Variants in MLEC observed in about 807,000 individuals in gnomAD.
The protein encoded by MLEC is oligosaccharyltransferase complex subunit (non-catalytic).
MLEC carries 7 observed loss-of-function variants against 28.7 expected under a neutral mutation model. The ratio of observed to expected loss-of-function variants is 0.24; its 90% CI spans 0.14 to 0.46. MLEC has a LOEUF of 0.46. Among genes scored for constraint, MLEC ranks in the 20% least tolerant of loss-of-function variants. The probability of loss-of-function intolerance (pLI) is 0.99; values close to 1 mark genes in which losing one functional copy is unlikely to be tolerated. For missense variants in MLEC, 237 were observed against 391.1 expected (o/e 0.61, Z 3.32); for synonymous variants, 142 against 164.4 (o/e 0.86, Z 1.04).
In MLEC at chr12:120,694,652, A is replaced by G. The variant is rs1882159875; in HGVS notation, c.415-172A>G. Among the ~76,000 whole-genome samples, 1 of 152,204 alleles carries G rather than the reference A, an allele frequency of 6.6e-6. No individual in the cohort carries two copies. The highest frequency in any genetic ancestry group is 6.5e-5 in the Admixed American group (1 of 15,288). ...ATAAGAACTCCTGGGCAGTGAAGGAACACGGCTTTGATTTGACCCGGGTTA... is the reference window on the plus strand; with the variant it reads ...ATAAGAACTCCTGGGCAGTGAAGGAGCACGGCTTTGATTTGACCCGGGTTA... On this transcript the variant is annotated intron_variant, in intron 2 of 4. Transcript: ENST00000228506. This position sits in a 1 kb window ranked among gnomAD's most constrained non-coding sequence, Gnocchi z 4.5.
At chr12:120,689,180 T>C (rs545116025) in intron 1 of MLEC, among the ~76,000 whole-genome samples, 1 of 151,330 alleles carries the variant, frequency 6.6e-6, no homozygotes, top group East Asian at 1.9e-4. Flanking sequence ...TCAGAAATTC[T>C]GGTTTTAATT....
chr12:120,696,722 C>A lies in MLEC; in HGVS notation c.*177C>A. The A allele has an allele frequency of 1.1e-6, 1 of 885,696 alleles. No individual in the cohort carries two copies. The highest frequency in any genetic ancestry group is 1.7e-6 in the Non-Finnish European group (1 of 596,148). 54.9% of individuals were successfully genotyped at this position (885,696 alleles called of 1,614,324 possible). On this transcript the variant is annotated 3_prime_UTR_variant, in exon 5 of 5. Coordinates refer to ENST00000228506, the MANE Select transcript of MLEC (RefSeq NM_014730.4). This position sits in a 1 kb window ranked among gnomAD's most constrained non-coding sequence, Gnocchi z 5.4. ...AGTAGAGAGCAGCCCTCATTCACCACCTGGTCCCAGACGTGCTTCAGTCCT... is the reference window on the plus strand; with the variant it reads ...AGTAGAGAGCAGCCCTCATTCACCAACTGGTCCCAGACGTGCTTCAGTCCT...
In MLEC at chr12:120,695,106, C is replaced by T. The variant is rs748547633; in HGVS notation, c.603C>T (p.Asp201=). The change falls in exon 4 of 5, where the codon GAC becomes GAT. Residue 201 remains aspartate (D), a synonymous_variant. Coordinates refer to ENST00000228506, the MANE Select transcript of MLEC (RefSeq NM_014730.4). ...LYIEFVKGYY[D]NPKVCALYIM... Reference sequence around the variant, plus strand: ...TTCCCTTTTCCTAGGGGTACTATGACAATCCCAAGGTCTGTGCACTCTACA... The same window carrying T: ...TTCCCTTTTCCTAGGGGTACTATGATAATCCCAAGGTCTGTGCACTCTACA... 21 of 1,614,168 alleles carry T rather than the reference C, an allele frequency of 1.3e-5. No individual in the cohort carries two copies. The highest frequency in any genetic ancestry group is 2.2e-5 in the East Asian group (1 of 44,880).
chr12:120,687,631 G>C lies in MLEC; in HGVS notation c.235+100G>C. 2 of 926,538 alleles carry C rather than the reference G, an allele frequency of 2.2e-6. No homozygotes were observed. Among genetic ancestry groups the C allele is most frequent in the Non-Finnish European group, 3.0e-6 (2 of 663,276 alleles). The allele number at this position is 926,538 out of a possible 1,614,324, so 57.4% of individuals were successfully genotyped here. A position where few individuals can be genotyped will look rare whatever the true frequency, so the allele number is the denominator to read the frequency against. ...CCGAGCCCCTTTCGACCCTGGGGCC[G>C]CGTCTCTGGAGCGAAGTTTCTCTCT... On this transcript the variant is annotated intron_variant, in intron 1 of 4. Transcript: ENST00000228506. The surrounding 1 kb of genome is among the most constrained non-coding windows in gnomAD (Gnocchi z 8.1).
intron 1 of MLEC, among the ~76,000 whole-genome samples, chr12:120,692,479 A>G (rs555329963): frequency 1.4e-4 from 21 of 152,142 alleles, no homozygotes; most frequent in Non-Finnish European, 2.4e-4. Flanking sequence ...CAAAAGTGCA[A>G]TGAGTTTCCT....
intron 1 of MLEC, among the ~76,000 whole-genome samples, chr12:120,689,245 T>A (rs1288323336): frequency 6.6e-6 from 1 of 151,896 alleles, no homozygotes; most frequent in Non-Finnish European, 1.5e-5. Context: ...TTCTTTGGCT[T>A]GGTCAGCAGT....
At chr12:120,689,826 A>T (rs1005026056) in intron 1 of MLEC, among the ~76,000 whole-genome samples, 6 of 152,156 alleles carry the variant, frequency 3.9e-5, no homozygotes, top group African/African-American at 1.2e-4. Context: ...AGAAAAGTTG[A>T]TTTTATGTTG....
At position 120,687,545 on chromosome 12, in the gene MLEC, T is replaced by A; in HGVS notation, c.235+14T>A. ...GGGTGGGCCGAGGTGAGAGTCCCCC[T>A]GCCGAGCCGCGGGATCCAGGGCCTG... On this transcript the variant is annotated intron_variant, in intron 1 of 4. Transcript: ENST00000228506. The surrounding 1 kb of genome is among the most constrained non-coding windows in gnomAD (Gnocchi z 8.1). The A allele has an allele frequency of 6.7e-7, 1 of 1,489,190 alleles. No homozygotes were observed. The highest frequency in any genetic ancestry group is 8.9e-7 in the Non-Finnish European group (1 of 1,119,558). 92.2% of individuals were successfully genotyped at this position (1,489,190 alleles called of 1,614,324 possible).
Position 120,700,656 on chromosome 12 carries a change from A to G in MLEC, c.*4111A>G, listed in dbSNP as rs1882412237. 1 of 152,162 alleles carries G rather than the reference A, an allele frequency of 6.6e-6. No individual in the cohort carries two copies. Among genetic ancestry groups the G allele is most frequent in the Non-Finnish European group, 1.5e-5 (1 of 68,034 alleles). The allele number at this position is 152,162 out of a possible 1,614,324, so 9.4% of individuals were successfully genotyped here. ...ATCAAAGAGCTCTAAGAAAATTGCA[A>G]AGAAGCCTTAATGTTCAAGCTTTAG... On this transcript the variant is annotated 3_prime_UTR_variant, in exon 5 of 5. Coordinates refer to ENST00000228506, the MANE Select transcript of MLEC (RefSeq NM_014730.4). The surrounding 1 kb of genome is among the most constrained non-coding windows in gnomAD (Gnocchi z 4.0).
chr12:120,698,283 C>T lies in MLEC; in HGVS notation c.*1738C>T, dbSNP rs1377071226. ...TGTGACAAAATAGGTAGCTCTTGGG[C>T]TCATGTCCTGGGTTTTGGCTCTTTA... On this transcript the variant is annotated 3_prime_UTR_variant, in exon 5 of 5. Transcript: ENST00000228506. 1 of 152,168 alleles carries T rather than the reference C, an allele frequency of 6.6e-6. No individual in the cohort carries two copies. Among genetic ancestry groups the T allele is most frequent in the Non-Finnish European group, 1.5e-5 (1 of 68,030 alleles). The allele number at this position is 152,168 out of a possible 1,614,324, so 9.4% of individuals were successfully genotyped here.
intron 1 of MLEC, among the ~76,000 whole-genome samples, chr12:120,693,100 G>GT (rs1882099876): frequency 1.3e-5 from 2 of 152,142 alleles, no homozygotes; most frequent in Admixed American, 1.3e-4. Context: ...GCCAAGAGAG[G>GT]TTTTCTGCTC....
intron 1 of MLEC, among the ~76,000 whole-genome samples, chr12:120,691,108 T>C (rs1003472571): frequency 2.0e-5 from 3 of 152,230 alleles, no homozygotes; most frequent in Non-Finnish European, 1.5e-5. Context: ...GAGGACAGGC[T>C]TCTGCTCATT....
intron 1 of MLEC, among the ~76,000 whole-genome samples, chr12:120,689,686 C>T (rs1881965941): frequency 6.6e-6 from 1 of 152,212 alleles, no homozygotes; most frequent in African/African-American, 2.4e-5. Flanking sequence ...TTCTTCTGGG[C>T]CTGTTTGGAT....
rs1803508 is a variant in MLEC at position 120,701,729 on chromosome 12, C to G, written c.*5184C>G. On this transcript the variant is annotated 3_prime_UTR_variant, in exon 5 of 5. Transcript: ENST00000228506. The surrounding 1 kb of genome is among the most constrained non-coding windows in gnomAD (Gnocchi z 4.0). ...AAGCTGTAGGGGTGGATAGAGCTGG[C>G]TTTCCTTCTGGGCTGTCTCCATCTG... The G allele has an allele frequency of 0.014, 2,168 of 152,896 alleles. 79 individuals carry two copies. In the East Asian group the frequency reaches 0.15, roughly 10 times the overall value. The allele number at this position is 152,896 out of a possible 1,614,324, so 9.5% of individuals were successfully genotyped here.
chr12:120,692,911 ATATCT>A (rs1369987235), intron 1 of MLEC, among the ~76,000 whole-genome samples: 1 of 151,990 alleles, frequency 6.6e-6, no homozygotes, highest in Non-Finnish European at 1.5e-5. Context: ...CTGAAATGTG[ATATCT>A]TATATTTGCA....
rs1882421763 is a variant in MLEC, at chr12:120,700,886, C to T, written c.*4341C>T. 6.6e-6 allele frequency: 1 copy of T among 152,266 alleles called. No homozygotes were observed. 9.4% of individuals were successfully genotyped at this position (152,266 alleles called of 1,614,324 possible). A position where few individuals can be genotyped will look rare whatever the true frequency, so the allele number is the denominator to read the frequency against. ...CCTGTCCTTTCCAGCTGCCTTTTGT[C>T]TAGCCTGCTATGGGGGGCCAGATTA... On this transcript the variant is annotated 3_prime_UTR_variant, in exon 5 of 5. Transcript: ENST00000228506. This position sits in a 1 kb window ranked among gnomAD's most constrained non-coding sequence, Gnocchi z 4.0.
chr12:120,696,126 T>C lies in MLEC; in HGVS notation c.650-190T>C, dbSNP rs1161003715. Among the ~76,000 whole-genome samples the C allele has an allele frequency of 1.3e-5, 2 of 152,234 alleles. No homozygotes were observed. Among genetic ancestry groups the C allele is most frequent in the Non-Finnish European group, 2.9e-5 (2 of 68,044 alleles). On this transcript the variant is annotated intron_variant, in intron 4 of 4. Transcript: ENST00000228506. The surrounding 1 kb of genome is among the most constrained non-coding windows in gnomAD (Gnocchi z 5.4). ...TATGAGCACGGCTTTTTCTACTTTC[T>C]AGTTAAATCTAAAGCTTTTGCAGCA...
rs1477278631 is a variant in MLEC, at chr12:120,694,387, A to G, written c.414+118A>G. On this transcript the variant is annotated intron_variant, in intron 2 of 4. Coordinates refer to ENST00000228506, the MANE Select transcript of MLEC (RefSeq NM_014730.4). This position sits in a 1 kb window ranked among gnomAD's most constrained non-coding sequence, Gnocchi z 4.5. ...CAGAAAGGCAGAACAGATGAGCTCT[A>G]GAGAAGCATGTTCCATAGTGCACAA... The G allele has an allele frequency of 1.9e-6, 2 of 1,065,306 alleles. No individual in the cohort carries two copies. Among genetic ancestry groups the G allele is most frequent in the Non-Finnish European group, 2.7e-6 (2 of 741,010 alleles). The allele number at this position is 1,065,306 out of a possible 1,614,324, so 66.0% of individuals were successfully genotyped here.
chr12:120,695,649 T>C (rs949479583), intron 4 of MLEC, among the ~76,000 whole-genome samples: 80 of 152,244 alleles, frequency 5.3e-4, no homozygotes, highest in African/African-American at 1.9e-3. Context: ...AGTATATTTC[T>C]TTCTCAGGGT....
Sources: allele counts gnomAD v4.1 joint callset (sites outside exome capture counted in the v4.1 genomes callset), GRCh38; gene constraint gnomAD v4.1.1; non-coding constraint Gnocchi (gnomAD v3.1); transcripts MANE v1.5; gene names NCBI Gene and HGNC (gene_info 2026-07-23, HGNC 2026-07-21).